Variants in CLSTN2 observed in about 807,000 individuals in gnomAD.
CLSTN2 encodes calsyntenin-2.
Under a neutral mutation model 101.2 loss-of-function variants are expected in CLSTN2, and 48 were observed. The ratio of observed to expected loss-of-function variants is 0.47; its 90% CI spans 0.38 to 0.60. The LOEUF (loss-of-function observed/expected upper bound fraction) is 0.60, where lower values mean the gene tolerates loss of function less well. CLSTN2 is among the 20% of genes least tolerant of loss of function. The pLI is 0.00. For missense variants in CLSTN2, 1,160 were observed against 1,238.2 expected, an observed-to-expected ratio of 0.94 and a Z score of 0.95; for synonymous variants, 481 against 463.6, an observed-to-expected ratio of 1.04 and a Z score of -0.48.
intron 2 of CLSTN2, among the ~76,000 whole-genome samples, chr3:140,355,046 T>C (rs1225842438): frequency 2.0e-5 from 3 of 152,164 alleles, no homozygotes; most frequent in African/African-American, 7.2e-5. Context: ...GGATCTAGAC[T>C]TAGTTGGTAG....
At chr3:140,516,906 A>G (rs1399871853) in intron 8 of CLSTN2, among the ~76,000 whole-genome samples, 1 of 152,190 alleles carries the variant, frequency 6.6e-6, no homozygotes, top group East Asian at 1.9e-4. Flanking sequence ...GTTTCCCTCA[A>G]TTATTCCTTC....
intron 8 of CLSTN2, among the ~76,000 whole-genome samples, chr3:140,506,407 C>T (rs949763324): frequency 5.3e-5 from 8 of 152,128 alleles, no homozygotes; most frequent in African/African-American, 1.7e-4. Flanking sequence ...TCGTCACACT[C>T]CCCTCCTTAT....
At chr3:140,187,254 A>G (rs1411049067) in intron 2 of CLSTN2, among the ~76,000 whole-genome samples, 1 of 151,994 alleles carries the variant, frequency 6.6e-6, no homozygotes, top group Non-Finnish European at 1.5e-5. Context: ...CCAGCCTCAT[A>G]TGTAGCAGGC....
At chr3:140,562,108 C>A (rs746382101) in intron 12 of CLSTN2, 30 bp from the exon 13 acceptor site, 2 of 1,605,634 alleles carry the variant, frequency 1.2e-6, no homozygotes, top group Non-Finnish European at 1.7e-6. Flanking sequence ...GTCCTTCATG[C>A]CTGCATTTCC....
intron 2 of CLSTN2, among the ~76,000 whole-genome samples, chr3:140,314,363 G>A (rs1475755590): frequency 7.2e-5 from 11 of 152,092 alleles, no homozygotes; most frequent in African/African-American, 2.4e-4. Context: ...CCTGGGACAG[G>A]GAAGATATTA....
At chr3:140,332,629 T>C (rs1005347683) in intron 2 of CLSTN2, among the ~76,000 whole-genome samples, 3 of 151,948 alleles carry the variant, frequency 2.0e-5, no homozygotes, top group Admixed American at 6.6e-5. Flanking sequence ...AATGAGGAAG[T>C]TCAGAGCCTA....
intron 7 of CLSTN2, chr3:140,461,201 C>T (rs1933554258): frequency 6.6e-6 from 1 of 152,056 alleles, no homozygotes; most frequent in Admixed American, 6.6e-5. Flanking sequence ...TGAGAGGTGC[C>T]TGGCTTTCCC....
At chr3:140,514,608 T>C (rs1048271373) in intron 8 of CLSTN2, among the ~76,000 whole-genome samples, 44 of 152,240 alleles carry the variant, frequency 2.9e-4, no homozygotes, top group African/African-American at 9.6e-4. Context: ...AAGTATCTTT[T>C]TCATATAATG....
At position 140,400,446 on chromosome 3, in the gene CLSTN2, A is replaced by G. The variant is rs544788775; in HGVS notation, c.233-3183A>G. ...CTGAGCACAGTGGCTCACACCTGTA[A>G]TCCCAGCACTTTGGGAGGCCGACAG... On this transcript the variant is annotated intron_variant, in intron 2 of 16. Coordinates refer to ENST00000458420, the MANE Select transcript of CLSTN2 (RefSeq NM_022131.3). 7.8e-4 allele frequency among the ~76,000 whole-genome samples: 119 copies of G among 152,302 alleles called. 1 individual carries two copies. The highest frequency in any genetic ancestry group is 2.8e-3 in the African/African-American group (115 of 41,550).
At chr3:140,325,350 A>C (rs1399559983) in intron 2 of CLSTN2, among the ~76,000 whole-genome samples, 2 of 152,188 alleles carry the variant, frequency 1.3e-5, no homozygotes, top group Non-Finnish European at 2.9e-5. Flanking sequence ...CTGAGCATAA[A>C]ATGGAGTTGC....
intron 16 of CLSTN2, among the ~76,000 whole-genome samples, chr3:140,564,927 G>A (rs1936000077): frequency 6.6e-6 from 1 of 152,150 alleles, no homozygotes; most frequent in Non-Finnish European, 1.5e-5. Context: ...AAAGGTAGGG[G>A]AAGATGATTA....
At chr3:140,405,139 G>A (rs2088288746) in intron 4 of CLSTN2, among the ~76,000 whole-genome samples, 1 of 152,156 alleles carries the variant, frequency 6.6e-6, no homozygotes, top group Non-Finnish European at 1.5e-5. Flanking sequence ...TATGTAATAA[G>A]TCATAATACC....
intron 1 of CLSTN2, among the ~76,000 whole-genome samples, chr3:139,951,990 C>T (rs575973976): frequency 6.6e-6 from 1 of 152,262 alleles, no homozygotes; most frequent in South Asian, 2.1e-4. Context: ...CCCCTCCTCA[C>T]ATAAGCTTGA....
rs185569449 is a variant in CLSTN2, at chr3:140,079,652, G to A, written c.110-96299G>A. 3.9e-5 allele frequency among the ~76,000 whole-genome samples: 6 copies of A among 151,952 alleles called. No individual in the cohort carries two copies. In the East Asian group the frequency reaches 1.2e-3, roughly 30 times the overall value. ...TGTAATCCCAGCTACTTGGGAGGCT[G>A]AAGCAGGAGAATCGCTTGAACCCGG... On this transcript the variant is annotated intron_variant, in intron 1 of 16. Coordinates refer to ENST00000458420, the MANE Select transcript of CLSTN2 (RefSeq NM_022131.3).
intron 1 of CLSTN2, among the ~76,000 whole-genome samples, chr3:140,046,472 G>C (rs1207925002): frequency 6.6e-6 from 1 of 152,098 alleles, no homozygotes; most frequent in African/African-American, 2.4e-5. Context: ...TATCCAATTT[G>C]CCAGTCTGTG....
At chr3:140,252,821 G>A (rs1019960390) in intron 2 of CLSTN2, among the ~76,000 whole-genome samples, 4 of 152,138 alleles carry the variant, frequency 2.6e-5, no homozygotes, top group Admixed American at 1.3e-4. Flanking sequence ...GTAGCTCAGA[G>A]GCTTGAAAGG....
chr3:140,527,158 G>C (rs905617560), intron 8 of CLSTN2, among the ~76,000 whole-genome samples: 4 of 152,108 alleles, frequency 2.6e-5, no homozygotes, highest in African/African-American at 9.7e-5. Flanking sequence ...TACAGGATGG[G>C]AGAAAATATT....
chr3:140,261,245 C>T (rs555626066), intron 2 of CLSTN2, among the ~76,000 whole-genome samples: 1 of 151,886 alleles, frequency 6.6e-6, no homozygotes, highest in Non-Finnish European at 1.5e-5. Flanking sequence ...TTCTTCATTT[C>T]CTTCTATATT....
chr3:140,032,133 A>G (rs1052295410), intron 1 of CLSTN2, among the ~76,000 whole-genome samples: 4 of 152,206 alleles, frequency 2.6e-5, no homozygotes, highest in African/African-American at 9.7e-5. Flanking sequence ...TAGACTTGTC[A>G]TGAAAGTTAT....
Sources: gnomAD v4.1 joint callset for allele counts (sites outside exome capture counted in the v4.1 genomes callset) on GRCh38, gnomAD v4.1.1 for gene constraint, MANE v1.5 for transcripts, NCBI Gene and HGNC (gene_info 2026-07-23, HGNC 2026-07-21) for gene names.